The following KIF15 variants were observed in gnomAD, a reference collection of about 807,000 sequenced individuals.
KIF15 encodes the protein kinesin family member 15.
In KIF15, 140 loss-of-function variants were observed where a neutral mutation model predicts 190.6. That is an observed-to-expected ratio of 0.73 (90% confidence interval 0.64 to 0.84). The LOEUF (loss-of-function observed/expected upper bound fraction) is 0.84. KIF15 is among the 40% of genes least tolerant of loss of function. The pLI, the probability that KIF15 is intolerant of heterozygous loss-of-function variation, is 0.00. For missense variants in KIF15, 1,372 were observed against 1,584.4 expected, an observed-to-expected ratio of 0.87 and a Z score of 2.28; for synonymous variants, 528 against 551.3, an observed-to-expected ratio of 0.96 and a Z score of 0.59.
intron 32 of KIF15, among the ~76,000 whole-genome samples, chr3:44,849,276 A>G (rs1482153815): frequency 1.3e-5 from 2 of 152,210 alleles, no homozygotes; most frequent in Non-Finnish European, 2.9e-5. Context: ...TTGTAAGTTT[A>G]AATTGTTACA....
chr3:44,847,093 G>C (rs1698881793), intron 30 of KIF15, among the ~76,000 whole-genome samples: 1 of 152,176 alleles, frequency 6.6e-6, no homozygotes, highest in Admixed American at 6.5e-5. Context: ...TGGATTAGTG[G>C]ACAGAAAACA....
In KIF15 at chr3:44,812,299, A is replaced by G. The variant is rs370715646; in HGVS notation, c.2277+10A>G. The G allele has an allele frequency of 3.1e-6, 5 of 1,590,134 alleles. No homozygotes were observed. Among genetic ancestry groups the G allele is most frequent in the African/African-American group, 2.7e-5 (2 of 74,424 alleles). ...TACCCAAATGCAGGAGGTGAGACCA[A>G]GAGCACAGCCTCAGAAAATGTATGA... On this transcript the variant is annotated intron_variant, in intron 18 of 34. Coordinates refer to ENST00000326047, the MANE Select transcript of KIF15 (RefSeq NM_020242.3).
In KIF15 at chr3:44,821,438, C is replaced by G. The variant is rs1046557924; in HGVS notation, c.2550-4601C>G. 1.2e-3 allele frequency among the ~76,000 whole-genome samples: 181 copies of G among 151,994 alleles called. 1 individual carries two copies. Among genetic ancestry groups the G allele is most frequent in the Non-Finnish European group, 1.8e-3 (121 of 67,922 alleles). ...GGTCGGGCAGAGACGCTCCTCTCCTCCCAGACGGGGTTGCGGCCGGGTAGA... is the reference window on the plus strand; with the variant it reads ...GGTCGGGCAGAGACGCTCCTCTCCTGCCAGACGGGGTTGCGGCCGGGTAGA... On this transcript the variant is annotated intron_variant, in intron 20 of 34. Coordinates refer to ENST00000326047, the MANE Select transcript of KIF15 (RefSeq NM_020242.3).
intron 5 of KIF15, among the ~76,000 whole-genome samples, chr3:44,784,318 G>A (rs996658106): frequency 6.6e-6 from 1 of 151,176 alleles, no homozygotes; most frequent in Admixed American, 6.6e-5. Flanking sequence ...GACTACAGGC[G>A]CCCGCTACCA....
At chr3:44,809,812 A>G (rs1707707034) in intron 16 of KIF15, among the ~76,000 whole-genome samples, 1 of 152,138 alleles carries the variant, frequency 6.6e-6, no homozygotes, top group Non-Finnish European at 1.5e-5. Flanking sequence ...CACGCCTGTA[A>G]TTCTAGCACT....
chr3:44,804,311 C>T (rs1166070100), intron 14 of KIF15, among the ~76,000 whole-genome samples: 3 of 152,184 alleles, frequency 2.0e-5, no homozygotes, highest in African/African-American at 4.8e-5. Flanking sequence ...ACAACTTTTA[C>T]ATGATCTTTT....
intron 15 of KIF15, 100 bp downstream of exon 15, chr3:44,805,268 A>C: frequency 8.5e-7 from 1 of 1,173,120 alleles, no homozygotes; most frequent in Middle Eastern, 3.0e-4. Flanking sequence ...TACTTTAAAT[A>C]TTAAACTCTC....
intron 6 of KIF15, among the ~76,000 whole-genome samples, chr3:44,858,528 T>TG (rs1219551985): frequency 8.6e-5 from 13 of 150,868 alleles, no homozygotes; most frequent in Non-Finnish European, 1.2e-4. Flanking sequence ...TGGGTTAAGG[T>TG]GGGGGGGATA....
intron 25 of KIF15, among the ~76,000 whole-genome samples, chr3:44,830,556 A>G (rs984966231): frequency 2.0e-5 from 3 of 152,212 alleles, no homozygotes; most frequent in Non-Finnish European, 2.9e-5. Context: ...GTCAGCATGT[A>G]TCTGAGTTCA....
intron 6 of KIF15, chr3:44,861,936 GCCGGGGCCT>G (rs1418777705): frequency 7.0e-7 from 1 of 1,427,090 alleles, no homozygotes; most frequent in Non-Finnish European, 9.1e-7. Flanking sequence ...TGGCCGAGAG[GCCGGGGCCT>G]CCGGGCGGCG....
At chr3:44,848,088 C>A in intron 31 of KIF15, 31 bp downstream of exon 31, 1 of 1,309,548 alleles carries the variant, frequency 7.6e-7, no homozygotes. Context: ...ATAGTTTCTT[C>A]TTGTCTGAGC....
intron 17 of KIF15, among the ~76,000 whole-genome samples, chr3:44,811,847 G>C (rs1319202098): frequency 6.6e-6 from 1 of 152,178 alleles, no homozygotes; most frequent in Non-Finnish European, 1.5e-5. Context: ...AGGCCATGGA[G>C]GTAACCGCTT....
intron 19 of KIF15, chr3:44,813,418 TGTTG>T (rs1320258296): frequency 5.7e-6 from 2 of 348,082 alleles, no homozygotes; most frequent in African/African-American, 4.4e-5. Flanking sequence ...TAAAGTTTTT[TGTTG>T]TTTGTTTGTT....
intron 7 of KIF15, among the ~76,000 whole-genome samples, 196 bp downstream of exon 7, chr3:44,786,770 G>A (rs1706427271): frequency 6.6e-6 from 1 of 152,078 alleles, no homozygotes; most frequent in East Asian, 1.9e-4. Context: ...AACCTCGAAA[G>A]GGCAATTTAT....
chr3:44,858,990 C>T (rs1188637833), intron 6 of KIF15, among the ~76,000 whole-genome samples: 4 of 152,218 alleles, frequency 2.6e-5, no homozygotes, highest in East Asian at 1.9e-4. Context: ...CAGAGAGCCC[C>T]GGGCCAGAGT....
rs192241086 is a variant in KIF15 at position 44,775,158 on chromosome 3, C to T, written c.63-96C>T. 6.0e-5 allele frequency: 58 copies of T among 960,236 alleles called. No homozygotes were observed. The African/African-American group carries it at 9.1e-4, about 15-fold the overall frequency. 59.5% of individuals were successfully genotyped at this position (960,236 alleles called of 1,614,324 possible). On this transcript the variant is annotated intron_variant, in intron 2 of 34. Transcript: ENST00000326047. ...TGTCTTGGGCTTTGTTGGAGAAACT[C>T]ATTATAGAAACATTATAGGCAATAT...
intron 20 of KIF15, among the ~76,000 whole-genome samples, chr3:44,819,203 A>G (rs1011619221): frequency 3.3e-5 from 5 of 152,024 alleles, no homozygotes. Flanking sequence ...CAGCTCCTGG[A>G]TTCATTAATT....
chr3:44,838,319 G>A lies in KIF15; in HGVS notation c.3216G>A (p.Leu1072=). ...ACCTGGCTCATGCCACTGAGCAGCT[G>A]AACATGCTCACAGAGGCCTCAAAAA... is the stretch of plus-strand genomic sequence containing the variant. ...CEDLAHATEQ[L]NMLTEASKKH... is the part of the protein sequence containing the mutation. Residue 1072 remains leucine, a synonymous_variant, in exon 27 of 35, where the codon CTG becomes CTA. Coordinates refer to ENST00000326047, the MANE Select transcript of KIF15 (RefSeq NM_020242.3). 1.2e-6 allele frequency: 2 copies of A among 1,613,994 alleles called. No homozygotes were observed. The highest frequency in any genetic ancestry group is 2.2e-5 in the South Asian group (2 of 91,060).
intron 1 of KIF15, among the ~76,000 whole-genome samples, chr3:44,772,341 G>A (rs977616379): frequency 1.3e-5 from 2 of 152,088 alleles, no homozygotes; most frequent in East Asian, 1.9e-4. Context: ...GAAAACAAAG[G>A]TCTCTCCCAA....
Sources: gnomAD v4.1 joint callset for allele counts (sites outside exome capture counted in the v4.1 genomes callset) on GRCh38, gnomAD v4.1.1 for gene constraint, MANE v1.5 for transcripts, NCBI Gene and HGNC (gene_info 2026-07-23, HGNC 2026-07-21) for gene names.